Variants in RBM45 observed in about 807,000 individuals in gnomAD.
RBM45 encodes RNA-binding protein 45.
A neutral mutation model predicts 58.5 loss-of-function variants in RBM45; 39 were observed. The observed-to-expected ratio is 0.67, with a 90% CI of 0.52 to 0.87. The LOEUF (loss-of-function observed/expected upper bound fraction) is 0.87, where lower values mean the gene tolerates loss of function less well. Among genes scored for constraint, RBM45 ranks in the 40% least tolerant of loss-of-function variants. RBM45 has a pLI of 0.00. For synonymous variants in RBM45, 193 were observed against 203.0 expected (o/e 0.95, Z 0.42); for missense variants, 481 against 581.6 (o/e 0.83, Z 1.78).
At chr2:178,118,028 TA>T in intron 2 of RBM45, 26 bp from the exon 3 acceptor site, 1 of 1,525,610 alleles carries the variant, frequency 6.6e-7, no homozygotes, top group Non-Finnish European at 8.8e-7. Flanking sequence ...TTAAGTCCCC[TA>T]AAATCATGTC....
At chr2:178,112,968 C>T in intron 1 of RBM45, 122 bp downstream of exon 1, 1 of 1,046,882 alleles carries the variant, frequency 9.6e-7, no homozygotes, top group South Asian at 1.6e-5. Flanking sequence ...GCTGACCAGA[C>T]AGCACCTGGC....
At chr2:178,128,380 G>T (rs911419586) in intron 9 of RBM45, among the ~76,000 whole-genome samples, 1 of 152,108 alleles carries the variant, frequency 6.6e-6, no homozygotes, top group Non-Finnish European at 1.5e-5. Flanking sequence ...TGAAAAAAAG[G>T]CTTTGCAAGT....
intron 5 of RBM45, among the ~76,000 whole-genome samples, chr2:178,123,021 T>C (rs2087876324): frequency 2.0e-5 from 3 of 152,186 alleles, no homozygotes; most frequent in Admixed American, 2.0e-4. Context: ...TCACTTGTGA[T>C]CTGAGATCCT....
chr2:178,118,692 T>C (rs1353824282), intron 3 of RBM45, among the ~76,000 whole-genome samples: 2 of 152,158 alleles, frequency 1.3e-5, no homozygotes, highest in East Asian at 3.8e-4. Flanking sequence ...TTGCTGTATA[T>C]ATAAAGAATA....
intron 2 of RBM45, among the ~76,000 whole-genome samples, chr2:178,116,622 T>C (rs1464893857): frequency 6.6e-6 from 1 of 152,210 alleles, no homozygotes; most frequent in African/African-American, 2.4e-5. Flanking sequence ...CCTACTTTAT[T>C]GTGAAAGTAG....
At chr2:178,126,394 GATAA>G (rs2087929715) in intron 9 of RBM45, among the ~76,000 whole-genome samples, 1 of 152,224 alleles carries the variant, frequency 6.6e-6, no homozygotes, top group African/African-American at 2.4e-5. Flanking sequence ...AATTTAGAAA[GATAA>G]ATAATTGTTT....
chr2:178,119,464 A>C (rs1331489111), intron 3 of RBM45, among the ~76,000 whole-genome samples: 1 of 152,254 alleles, frequency 6.6e-6, no homozygotes, highest in Non-Finnish European at 1.5e-5. Flanking sequence ...AGACATTCTG[A>C]GACACAGTTA....
Position 178,129,417 on chromosome 2 carries a change from A to G in RBM45, c.*29A>G, listed in dbSNP as rs1456529154. 1 of 152,372 alleles carries G rather than the reference A, an allele frequency of 6.6e-6. No individual in the cohort carries two copies. The highest frequency in any genetic ancestry group is 1.9e-4 in the East Asian group (1 of 5,192). 9.4% of individuals were successfully genotyped at this position (152,372 alleles called of 1,614,324 possible). On this transcript the variant is annotated 3_prime_UTR_variant, in exon 10 of 10. Transcript: ENST00000286070. ...TACAGAACAAAGACTAAATAATGAC[A>G]TAATCCTCAGCTGACTGACTGAAAA...
At chr2:178,126,953 C>T (rs2087937729) in intron 9 of RBM45, among the ~76,000 whole-genome samples, 1 of 151,106 alleles carries the variant, frequency 6.6e-6, no homozygotes, top group Non-Finnish European at 1.5e-5. Context: ...CTTTTTTTTT[C>T]CCCCGAGACG....
chr2:178,123,838 A>G lies in RBM45; in HGVS notation c.994A>G (p.Lys332Glu). 6.2e-7 allele frequency: 1 copy of G among 1,613,966 alleles called. No homozygotes were observed. The highest frequency in any genetic ancestry group is 8.5e-7 in the Non-Finnish European group (1 of 1,179,926). The change falls in exon 7 of 10, where the codon AAA (lysine) becomes GAA (glutamate). Residue 332 changes from lysine (K) to glutamate (E), a missense_variant. Physicochemically the swap from Lys to Glu is moderately conservative, Grantham distance 56 (BLOSUM62 1). Transcript: ENST00000286070. ...AGTTATTTTTTCCAGTCTCCTTAGA[A>G]AAATGGCAACACAGATGGTAGCTGC... is the stretch of plus-strand genomic sequence containing the variant. ...DGSNATDLLR[K>E]MATQMVAAQL...
chr2:178,138,333 TATAGTA>T (rs2088061514), exon 4 of RBM45: 2 of 152,156 alleles, frequency 1.3e-5, no homozygotes, highest in African/African-American at 4.8e-5. Context: ...CTCCGACAAA[TATAGTA>T]AGAGAAAAGG....
chr2:178,120,724 C>T (rs914494628), intron 4 of RBM45, among the ~76,000 whole-genome samples: 1 of 152,072 alleles, frequency 6.6e-6, no homozygotes, highest in Non-Finnish European at 1.5e-5. Flanking sequence ...CTTAAAAAGA[C>T]ATATGTAGAG....
chr2:178,115,076 G>A (rs2087754433), intron 1 of RBM45, among the ~76,000 whole-genome samples: 1 of 152,210 alleles, frequency 6.6e-6, no homozygotes. Flanking sequence ...GATTGTCCAA[G>A]TAAAAGTTAT....
downstream of RBM45, among the ~76,000 whole-genome samples, chr2:178,134,490 A>G (rs2088029051): frequency 6.6e-6 from 1 of 151,766 alleles, no homozygotes; most frequent in Non-Finnish European, 1.5e-5. Flanking sequence ...TATTATTAAT[A>G]TTTTCTAGCA....
chr2:178,112,726 G>A lies in RBM45; in HGVS notation c.180G>A (p.Lys60=). Residue 60 remains lysine (K), a synonymous_variant, in exon 1 of 10, where the codon AAG becomes AAA. Coordinates refer to ENST00000286070, the MANE Select transcript of RBM45 (RefSeq NM_152945.4). ...AGGACATCTGGGTGGTGCGGGACAA[G>A]CACACCAAGGAGTCCAAGGGCATTG... ...DIQDIWVVRD[K]HTKESKGIAF... 1.2e-6 allele frequency: 2 copies of A among 1,614,204 alleles called. No homozygotes were observed. The highest frequency in any genetic ancestry group is 3.3e-5 in the Admixed American group (2 of 60,032).
At chr2:178,136,300 A>G (rs1416497274) in intron 3 of RBM45, among the ~76,000 whole-genome samples, 1 of 152,190 alleles carries the variant, frequency 6.6e-6, no homozygotes. Context: ...ACAGAGCGAG[A>G]CTCCGTCTCA....
chr2:178,124,357 A>G (rs1473097162), intron 8 of RBM45, 67 bp downstream of exon 8: 7 of 1,053,672 alleles, frequency 6.6e-6, no homozygotes, highest in Non-Finnish European at 9.4e-6. Flanking sequence ...TATAATCTAG[A>G]CACTTCCTTC....
intron 1 of RBM45, among the ~76,000 whole-genome samples, chr2:178,115,484 A>G (rs1397433267): frequency 2.0e-5 from 3 of 152,052 alleles, no homozygotes; most frequent in African/African-American, 7.3e-5. Flanking sequence ...TTTCCATGTT[A>G]CTCAATAGTT....
intron 1 of RBM45, among the ~76,000 whole-genome samples, chr2:178,115,111 C>A (rs980000595): frequency 6.6e-6 from 1 of 151,982 alleles, no homozygotes; most frequent in African/African-American, 2.4e-5. Context: ...TGTTATCTGG[C>A]GGAAAGGGGG....
Sources: gnomAD v4.1 joint callset for allele counts (sites outside exome capture counted in the v4.1 genomes callset) on GRCh38, gnomAD v4.1.1 for gene constraint, MANE v1.5 for transcripts, NCBI Gene and HGNC (gene_info 2026-07-23, HGNC 2026-07-21) for gene names.